SMYD3: variants seen among roughly 807,000 people sequenced by gnomAD.
SMYD3 encodes histone-lysine N-methyltransferase SMYD3.
Under a neutral mutation model 57.7 loss-of-function variants are expected in SMYD3, and 36 were observed. That is an observed-to-expected ratio of 0.62 (90% CI 0.48 to 0.82). The LOEUF (loss-of-function observed/expected upper bound fraction) is 0.82, where lower values mean the gene tolerates loss of function less well. SMYD3 is among the 40% of genes least tolerant of loss of function. The probability of loss-of-function intolerance (pLI) is 0.00; values close to 1 mark genes in which losing one functional copy is unlikely to be tolerated. For synonymous variants in SMYD3, 211 were observed against 195.0 expected (o/e 1.08, Z -0.68); for missense variants, 515 against 538.8 (o/e 0.96, Z 0.44).
chr1:246,379,442 G>A (rs987821753), intron 1 of SMYD3, among the ~76,000 whole-genome samples: 4 of 152,048 alleles, frequency 2.6e-5, no homozygotes, highest in African/African-American at 9.7e-5. Flanking sequence ...ATATTAAACA[G>A]CTTAGCCTTT....
intron 5 of SMYD3, among the ~76,000 whole-genome samples, chr1:246,008,498 G>C (rs897217427): frequency 2.0e-5 from 3 of 152,218 alleles, no homozygotes; most frequent in Admixed American, 6.5e-5. Flanking sequence ...TCTGTACTTA[G>C]AAGTCGGCTG....
chr1:245,889,530 C>T (rs775351939), intron 8 of SMYD3, among the ~76,000 whole-genome samples: 5 of 152,224 alleles, frequency 3.3e-5, no homozygotes, highest in Non-Finnish European at 7.3e-5. Flanking sequence ...TGACCTCCAA[C>T]ACCTACTGTA....
chr1:245,760,084 A>AT (rs1233858497), intron 11 of SMYD3, among the ~76,000 whole-genome samples: 1 of 152,234 alleles, frequency 6.6e-6, no homozygotes, highest in Non-Finnish European at 1.5e-5. Flanking sequence ...AATCACAAGA[A>AT]TTTCAGCTGA....
intron 8 of SMYD3, among the ~76,000 whole-genome samples, chr1:245,911,458 C>T (rs1354964198): frequency 3.3e-5 from 5 of 150,864 alleles, no homozygotes; most frequent in Non-Finnish European, 5.9e-5. Flanking sequence ...AGGCAGGGGT[C>T]GACCTAAATG....
chr1:246,386,938 C>A (rs183351019), intron 1 of SMYD3, among the ~76,000 whole-genome samples: 7 of 150,554 alleles, frequency 4.6e-5, no homozygotes, highest in East Asian at 1.9e-4. Flanking sequence ...AAAGGGACTA[C>A]ACAATAAGCG....
At chr1:246,447,814 T>G (rs1409984167) in intron 1 of SMYD3, among the ~76,000 whole-genome samples, 1 of 152,200 alleles carries the variant, frequency 6.6e-6, no homozygotes, top group Non-Finnish European at 1.5e-5. Flanking sequence ...ACTGTTTCAC[T>G]TCCAGCTTTT....
chr1:246,380,405 TA>T (rs1329296488), intron 1 of SMYD3, among the ~76,000 whole-genome samples: 1 of 152,248 alleles, frequency 6.6e-6, no homozygotes, highest in African/African-American at 2.4e-5. Context: ...CAATAAACTA[TA>T]ACATCTATTT....
intron 11 of SMYD3, among the ~76,000 whole-genome samples, chr1:245,763,173 T>C (rs572659348): frequency 6.6e-6 from 1 of 152,348 alleles, no homozygotes; most frequent in South Asian, 2.1e-4. Flanking sequence ...TTGACACTTA[T>C]TGCCAGAACC....
intron 5 of SMYD3, among the ~76,000 whole-genome samples, chr1:246,114,626 T>C (rs2061312338): frequency 6.6e-6 from 1 of 152,148 alleles, no homozygotes; most frequent in African/African-American, 2.4e-5. Context: ...ATAAACTTGT[T>C]CTCGTTTTTG....
At chr1:246,470,427 CGGAG>C in intron 1 of SMYD3, among the ~76,000 whole-genome samples, 1 of 151,002 alleles carries the variant, frequency 6.6e-6, no homozygotes, top group Non-Finnish European at 1.5e-5. Context: ...ACGTGGAAGG[CGGAG>C]GTTGCAGTGC....
intron 8 of SMYD3, among the ~76,000 whole-genome samples, chr1:245,914,374 A>G (rs531873068): frequency 6.6e-6 from 1 of 152,368 alleles, no homozygotes; most frequent in South Asian, 2.1e-4. Context: ...ATCAACCTCT[A>G]TGTCCATCAA....
chr1:245,914,975 C>T (rs1305188121), intron 8 of SMYD3, among the ~76,000 whole-genome samples: 1 of 152,018 alleles, frequency 6.6e-6, no homozygotes, highest in African/African-American at 2.4e-5. Context: ...TATAAAGGGA[C>T]ATGAGGGCAC....
At chr1:246,459,914 CA>C in intron 1 of SMYD3, among the ~76,000 whole-genome samples, 1 of 94,342 alleles carries the variant, frequency 1.1e-5, no homozygotes, top group African/African-American at 4.1e-5. Context: ...ACCATTCCGC[CA>C]CCCAAAAAAA....
At chr1:246,470,733 A>G (rs2103048464) in intron 1 of SMYD3, among the ~76,000 whole-genome samples, 1 of 151,800 alleles carries the variant, frequency 6.6e-6, no homozygotes, top group Admixed American at 6.6e-5. Flanking sequence ...AAAAAATCCT[A>G]CACTGGATCT....
intron 5 of SMYD3, among the ~76,000 whole-genome samples, chr1:246,208,887 C>A (rs1212326163): frequency 6.6e-6 from 1 of 152,074 alleles, no homozygotes; most frequent in African/African-American, 2.4e-5. Flanking sequence ...CCTCTTTCCA[C>A]TCAAGCATAA....
chr1:246,029,901 T>C (rs999090197), intron 5 of SMYD3, among the ~76,000 whole-genome samples: 2 of 151,032 alleles, frequency 1.3e-5, no homozygotes, highest in East Asian at 2.0e-4. Flanking sequence ...GGAATGCAAA[T>C]AGGTACAGCC....
chr1:245,953,551 C>T lies in SMYD3; in HGVS notation c.532-23614G>A, dbSNP rs1049322853. ...TTCTCTGCCTCAGCATCCTGAGTAGCTGGGATTATAGGCGCCTGACACCAC... is the reference window on the plus strand; with the variant it reads ...TTCTCTGCCTCAGCATCCTGAGTAGTTGGGATTATAGGCGCCTGACACCAC... On this transcript the variant is annotated intron_variant, in intron 5 of 11. Coordinates refer to ENST00000490107, the MANE Select transcript of SMYD3 (RefSeq NM_001167740.2). 6.6e-5 allele frequency among the ~76,000 whole-genome samples: 10 copies of T among 152,080 alleles called. No homozygotes were observed. In the East Asian group the frequency reaches 1.7e-3, roughly 26 times the overall value.
At chr1:245,821,527 A>G (rs1277081980) in intron 10 of SMYD3, among the ~76,000 whole-genome samples, 11 of 142,778 alleles carry the variant, frequency 7.7e-5, no homozygotes, top group African/African-American at 2.5e-4. Flanking sequence ...AATGGCAACA[A>G]AAGCCAAAAT....
At chr1:246,029,462 A>G (rs1371434886) in intron 5 of SMYD3, among the ~76,000 whole-genome samples, 1 of 152,070 alleles carries the variant, frequency 6.6e-6, no homozygotes, top group Non-Finnish European at 1.5e-5. Flanking sequence ...ACCTGAGGTC[A>G]GGAGTTCAGA....
Sources: allele counts gnomAD v4.1 joint callset (sites outside exome capture counted in the v4.1 genomes callset), GRCh38; gene constraint gnomAD v4.1.1; transcripts MANE v1.5; gene names NCBI Gene and HGNC (gene_info 2026-07-23, HGNC 2026-07-21).